Variants in CA5A observed in about 807,000 individuals in gnomAD.
CA5A encodes the protein carbonic anhydrase 5A, mitochondrial.
Under a neutral mutation model 37.1 loss-of-function variants are expected in CA5A, and 28 were observed. The observed-to-expected ratio is 0.75, with a 90% confidence interval of 0.56 to 1.03. CA5A has a LOEUF of 1.03. Ranked by LOEUF, CA5A falls within the 50% of genes least tolerant of loss-of-function variation. The pLI, the probability that CA5A is intolerant of heterozygous loss-of-function variation, is 0.00. For synonymous variants in CA5A, 171 were observed against 158.4 expected, an observed-to-expected ratio of 1.08 and a Z score of -0.60; for missense variants, 444 against 399.9, an observed-to-expected ratio of 1.11 and a Z score of -0.94.
chr16:87,931,070 T>C, intron 1 of CA5A, among the ~76,000 whole-genome samples: 1 of 151,008 alleles, frequency 6.6e-6, no homozygotes, highest in East Asian at 2.0e-4. Context: ...GAAATACAGA[T>C]GTTCAGGTAG....
At chr16:87,920,198 T>C (rs1237072736) in intron 2 of CA5A, among the ~76,000 whole-genome samples, 3 of 152,252 alleles carry the variant, frequency 2.0e-5, no homozygotes, top group African/African-American at 7.2e-5. Flanking sequence ...AGACCTCACC[T>C]GCAGCCAAAT....
chr16:87,915,721 A>T (rs924206832), intron 2 of CA5A, among the ~76,000 whole-genome samples: 2 of 149,866 alleles, frequency 1.3e-5, no homozygotes, highest in African/African-American at 4.9e-5. Context: ...AAAAGGAAAA[A>T]CTATTGTTTA....
chr16:87,919,554 C>CA (rs2056202327), intron 2 of CA5A, among the ~76,000 whole-genome samples: 2 of 151,888 alleles, frequency 1.3e-5, no homozygotes, highest in African/African-American at 4.8e-5. Context: ...TCTGGGGGAG[C>CA]ACTCACAGGA....
At chr16:87,908,019 C>A (rs2055991194) in intron 2 of CA5A, among the ~76,000 whole-genome samples, 2 of 152,218 alleles carry the variant, frequency 1.3e-5, no homozygotes, top group Non-Finnish European at 2.9e-5. Context: ...TCATCGAAGG[C>A]ACACAACGAA....
intron 2 of CA5A, among the ~76,000 whole-genome samples, chr16:87,907,500 C>G (rs2143976487): frequency 6.6e-6 from 1 of 152,374 alleles, no homozygotes; most frequent in South Asian, 2.1e-4. Context: ...TCTGTATCAT[C>G]TCTTCTAGAA....
rs185298245 is a variant in CA5A, at chr16:87,903,039, G to A, written c.460-519C>T. The stretch of plus-strand genomic sequence containing the variant: ...GGAACAGCCTCAGTCTTCCTGGTGG[G>A]GGGGGAAAGGAGAGGATCATGTTAA... On this transcript the variant is annotated intron_variant, in intron 3 of 6. Coordinates refer to ENST00000649794, the MANE Select transcript of CA5A (RefSeq NM_001739.2). Among the ~76,000 whole-genome samples, 400 of 152,220 alleles carry A rather than the reference G, an allele frequency of 2.6e-3. 1 individual carries two copies. Among genetic ancestry groups the A allele is most frequent in the Non-Finnish European group, 4.6e-3 (310 of 68,026 alleles).
Position 87,928,758 on chromosome 16 carries a change from TTG to T in CA5A, c.143-1815_143-1814del, listed in dbSNP as rs1421191145. On this transcript the variant is annotated intron_variant, in intron 1 of 6. Coordinates refer to ENST00000649794, the MANE Select transcript of CA5A (RefSeq NM_001739.2). ...TCTCATCTGGATTATTTTCTTTTCT[TTG>T]TTTTTTTTTTTTTTTTTTTTTTTTT... Among the ~76,000 whole-genome samples the T allele has an allele frequency of 3.0e-3, 255 of 84,850 alleles. 4 individuals are homozygous for T. Among genetic ancestry groups the T allele is most frequent in the African/African-American group, 0.011 (228 of 19,886 alleles). 55.7% of individuals were successfully genotyped at this position (84,850 alleles called of 152,430 possible).
chr16:87,932,070 C>T (rs998901132), intron 1 of CA5A, among the ~76,000 whole-genome samples: 2 of 151,984 alleles, frequency 1.3e-5, no homozygotes, highest in African/African-American at 2.4e-5. Flanking sequence ...GCTGAGATTG[C>T]GCTATTGCAC....
rs555750376 is a variant in CA5A, at chr16:87,904,423, T to G, written c.459+363A>C. 3.9e-5 allele frequency among the ~76,000 whole-genome samples: 6 copies of G among 152,108 alleles called. No individual in the cohort carries two copies. The South Asian group carries it at 1.2e-3, about 32-fold the overall frequency. On this transcript the variant is annotated intron_variant, in intron 3 of 6. Coordinates refer to ENST00000649794, the MANE Select transcript of CA5A (RefSeq NM_001739.2). The stretch of plus-strand genomic sequence containing the variant: ...CTCTATTGCAAAGATGTTCAGCTTC[T>G]CAGCAGAGGGCCTTGTGGATTTGCT...
In CA5A at chr16:87,911,726, G is replaced by T. The variant is rs547858917; in HGVS notation, c.341-6822C>A. Among the ~76,000 whole-genome samples the T allele has an allele frequency of 6.6e-6, 1 of 152,288 alleles. No homozygotes were observed. Among genetic ancestry groups the T allele is most frequent in the South Asian group, 2.1e-4 (1 of 4,820 alleles). The stretch of plus-strand genomic sequence containing the variant: ...AACCTAGACTGCTCCCTGGAAGTTA[G>T]CCTCTGAGACCATCACATATTGGCA... On this transcript the variant is annotated intron_variant, in intron 2 of 6. Transcript: ENST00000649794. The surrounding 1 kb of genome is among the most constrained non-coding windows in gnomAD (Gnocchi z 4.6).
At chr16:87,891,533 G>A (rs915489964) in intron 6 of CA5A, among the ~76,000 whole-genome samples, 3 of 152,084 alleles carry the variant, frequency 2.0e-5, no homozygotes, top group Non-Finnish European at 4.4e-5. Context: ...ATGACCCTGG[G>A]ACAACTCCCA....
chr16:87,930,735 A>ATTTTT (rs68126628), intron 1 of CA5A, among the ~76,000 whole-genome samples: 2 of 134,498 alleles, frequency 1.5e-5, no homozygotes, highest in Non-Finnish European at 1.6e-5. Flanking sequence ...CTTTGGATCT[A>ATTTTT]TTTTTTTTTT....
chr16:87,913,304 T>TC (rs1356663707), intron 2 of CA5A, among the ~76,000 whole-genome samples: 49 of 123,528 alleles, frequency 4.0e-4, no homozygotes, highest in Admixed American at 1.6e-3. Flanking sequence ...AATGTTCCAG[T>TC]CTTTTTTTTT....
chr16:87,932,298 A>G (rs1597592574), intron 1 of CA5A, among the ~76,000 whole-genome samples: 1 of 152,312 alleles, frequency 6.6e-6, no homozygotes, highest in Non-Finnish European at 1.5e-5. Flanking sequence ...CTGATGCCAC[A>G]GAGGAGGTGC....
At chr16:87,893,945 CA>C (rs1427689598) in intron 5 of CA5A, among the ~76,000 whole-genome samples, 1 of 151,696 alleles carries the variant, frequency 6.6e-6, no homozygotes. Context: ...TGTTTGTAGC[CA>C]GGGGGTCTTG....
intron 2 of CA5A, among the ~76,000 whole-genome samples, chr16:87,912,824 A>T (rs529225188): frequency 5.9e-5 from 9 of 152,344 alleles, no homozygotes; most frequent in African/African-American, 1.9e-4. Flanking sequence ...AGGGACGACC[A>T]GCGGAAAGGA....
chr16:87,922,665 C>A (rs1023897490), intron 2 of CA5A, among the ~76,000 whole-genome samples: 1 of 152,254 alleles, frequency 6.6e-6, no homozygotes, highest in African/African-American at 2.4e-5. Context: ...GCCAGAGGCC[C>A]GTCTGGGCCC....
chr16:87,895,622 T>C lies in CA5A; in HGVS notation c.619-3668A>G, dbSNP rs142874349. 1.6e-3 allele frequency among the ~76,000 whole-genome samples: 245 copies of C among 152,270 alleles called. 2 individuals are homozygous for C. The highest frequency in any genetic ancestry group is 0.014 in the Admixed American group (221 of 15,284). ...TACAGTTCTATGGTTTTGGGTATATTCACAGTTGTGCAGCCATCCCAAGTC... is the reference window on the plus strand; with the variant it reads ...TACAGTTCTATGGTTTTGGGTATATCCACAGTTGTGCAGCCATCCCAAGTC... On this transcript the variant is annotated intron_variant, in intron 5 of 6. Coordinates refer to ENST00000649794, the MANE Select transcript of CA5A (RefSeq NM_001739.2).
intron 6 of CA5A, among the ~76,000 whole-genome samples, chr16:87,891,367 C>G (rs1042614196): frequency 6.6e-6 from 1 of 151,222 alleles, no homozygotes; most frequent in Non-Finnish European, 1.5e-5. Flanking sequence ...ATTTGGGAGG[C>G]TGAGGCAGGA....
Sources: allele counts gnomAD v4.1 joint callset (sites outside exome capture counted in the v4.1 genomes callset), GRCh38; gene constraint gnomAD v4.1.1; non-coding constraint Gnocchi (gnomAD v3.1); transcripts MANE v1.5; gene names NCBI Gene and HGNC (gene_info 2026-07-23, HGNC 2026-07-21).